The following KIF16B variants were observed in gnomAD, a reference collection of about 807,000 sequenced individuals.
The protein encoded by KIF16B is kinesin-like protein KIF16B.
A neutral mutation model predicts 156.3 loss-of-function variants in KIF16B; 98 were observed. The ratio of observed to expected loss-of-function variants is 0.63; its 90% CI spans 0.53 to 0.74. KIF16B has a LOEUF of 0.74. Ranked by LOEUF, KIF16B falls within the 30% of genes least tolerant of loss-of-function variation. KIF16B has a pLI of 0.00. For missense variants in KIF16B, 1,421 were observed against 1,606.5 expected, an observed-to-expected ratio of 0.88 and a Z score of 1.97; for synonymous variants, 564 against 583.7, an observed-to-expected ratio of 0.97 and a Z score of 0.49.
Position 16,379,308 on chromosome 20 carries a change from C to T in KIF16B, c.2694G>A (p.Val898=). ...GTTCTTTATATTGCAGCCTGTACTC[C>T]ACTGGCTTTATTTTCTCGAAATCTT... ...VPQDFEKIKP[V]EYRLQYKERQ... is the part of the protein sequence containing the mutation. The change falls in exon 19 of 26, where the codon GTG becomes GTA. Residue 898 remains valine (V), a synonymous_variant. Coordinates refer to ENST00000354981, the MANE Select transcript of KIF16B (RefSeq NM_024704.5). 1 of 1,609,550 alleles carries T rather than the reference C, an allele frequency of 6.2e-7. No individual in the cohort carries two copies. Among genetic ancestry groups the T allele is most frequent in the Non-Finnish European group, 8.5e-7 (1 of 1,178,498 alleles).
chr20:16,520,963 A>G (rs1162849003), intron 3 of KIF16B, among the ~76,000 whole-genome samples: 1 of 152,196 alleles, frequency 6.6e-6, no homozygotes, highest in African/African-American at 2.4e-5. Flanking sequence ...GAAAACAAAC[A>G]AACAGAAAGA....
In KIF16B at chr20:16,378,839, C is replaced by A. The variant is rs763578972; in HGVS notation, c.3163G>T (p.Ala1055Ser). 31 of 1,612,282 alleles carry A rather than the reference C, an allele frequency of 1.9e-5. No individual in the cohort carries two copies. The highest frequency in any genetic ancestry group is 8.4e-5 in the Admixed American group (5 of 59,828). The stretch of plus-strand genomic sequence containing the variant: ...TCCTTCTCCAGGGCTTCCTGCTCAG[C>A]CTCCAGGCTAGCCTGGAGCCCTGAC... ...EQSGLQASLEAEQEALEKDQE... is the reference protein window; with the variant it reads ...EQSGLQASLESEQEALEKDQE... Residue 1055 changes from alanine (A) to serine (S), a missense_variant, in exon 19 of 26, where the codon GCT becomes TCT. By Grantham distance (99) the Ala-to-Ser change is moderately conservative. Transcript: ENST00000354981.
At chr20:16,415,715 C>T (rs1384141561) in intron 15 of KIF16B, among the ~76,000 whole-genome samples, 1 of 152,154 alleles carries the variant, frequency 6.6e-6, no homozygotes, top group Admixed American at 6.6e-5. Context: ...TGAAGAGCAT[C>T]TAAGTCACTT....
intron 15 of KIF16B, among the ~76,000 whole-genome samples, chr20:16,413,878 G>C (rs1330147834): frequency 6.6e-6 from 1 of 152,064 alleles, no homozygotes; most frequent in East Asian, 1.9e-4. Context: ...GGTATTGAGT[G>C]AGAGGCTGAA....
chr20:16,291,529 C>T (rs1429110926), intron 25 of KIF16B, among the ~76,000 whole-genome samples: 2 of 152,164 alleles, frequency 1.3e-5, no homozygotes, highest in South Asian at 4.1e-4. Flanking sequence ...TGCAATAGGA[C>T]ACAGGAGTTA....
At chr20:16,347,226 C>T (rs928059218) in intron 23 of KIF16B, among the ~76,000 whole-genome samples, 3 of 152,118 alleles carry the variant, frequency 2.0e-5, no homozygotes, top group Admixed American at 6.5e-5. Flanking sequence ...GAAAGGTAAG[C>T]GTATCCATGG....
chr20:16,371,011 ATAAC>A (rs749949287), intron 21 of KIF16B, among the ~76,000 whole-genome samples: 4 of 152,262 alleles, frequency 2.6e-5, no homozygotes, highest in Non-Finnish European at 4.4e-5. Flanking sequence ...TACAAAATAA[ATAAC>A]TACGGAAATT....
At chr20:16,349,212 C>G (rs2064289403) in intron 23 of KIF16B, among the ~76,000 whole-genome samples, 1 of 152,206 alleles carries the variant, frequency 6.6e-6, no homozygotes. Context: ...AGAGAGGGGA[C>G]AGATGAACTA....
At chr20:16,507,099 CA>C (rs1555790010) in intron 7 of KIF16B, among the ~76,000 whole-genome samples, 2,991 of 124,624 alleles carry the variant, frequency 0.024, 39 homozygotes, top group Non-Finnish European at 0.027. Context: ...AATCATGTCT[CA>C]AAAAAAAAAA....
At chr20:16,279,327 A>C (rs1196774656) in intron 25 of KIF16B, among the ~76,000 whole-genome samples, 1 of 152,166 alleles carries the variant, frequency 6.6e-6, no homozygotes, top group Non-Finnish European at 1.5e-5. Flanking sequence ...CACCTCTTCC[A>C]GATTGTGTAG....
chr20:16,526,215 A>ATC lies in KIF16B; in HGVS notation c.118-11_118-10insGA. The ATC allele has an allele frequency of 6.9e-7, 1 of 1,443,222 alleles. No homozygotes were observed. The highest frequency in any genetic ancestry group is 9.6e-7 in the Non-Finnish European group (1 of 1,040,614). 89.4% of individuals were successfully genotyped at this position (1,443,222 alleles called of 1,614,324 possible). ...TGCCTCCTTCTGGTATCTAGAAAGA[A>ATC]ATGATTAGAATAATAATGATAATGT... On this transcript the variant is annotated splice_polypyrimidine_tract_variant and intron_variant, in intron 2 of 25. Transcript: ENST00000354981.
At chr20:16,469,299 C>T (rs77890716) in intron 12 of KIF16B, among the ~76,000 whole-genome samples, 2,984 of 136,324 alleles carry the variant, frequency 0.022, 77 homozygotes, top group South Asian at 0.076. Context: ...TTTCAGACCA[C>T]GATAGAATTA....
intron 17 of KIF16B, among the ~76,000 whole-genome samples, chr20:16,383,943 A>G (rs2065165790): frequency 6.6e-6 from 1 of 152,192 alleles, no homozygotes; most frequent in African/African-American, 2.4e-5. Flanking sequence ...TTTGTGTTTG[A>G]CAGTCGGCAT....
At chr20:16,492,791 G>T (rs111474553) in intron 12 of KIF16B, among the ~76,000 whole-genome samples, 2,838 of 152,010 alleles carry the variant, frequency 0.019, 85 homozygotes, top group African/African-American at 0.066. Context: ...GTATACTAAG[G>T]ACTTTTCAAA....
At chr20:16,531,994 G>C (rs2147176187) in intron 1 of KIF16B, among the ~76,000 whole-genome samples, 1 of 151,288 alleles carries the variant, frequency 6.6e-6, no homozygotes, top group South Asian at 2.1e-4. Context: ...GTTGAATCCA[G>C]GAGGCGGAGG....
chr20:16,442,849 G>A lies in KIF16B; in HGVS notation c.1303-12867C>T, dbSNP rs2066840030. ...AAAAAGCAAGAAGGTGATGAAGAAT[G>A]AGAGGGAGGAAGAAAAGAAGGAAAA... is the stretch of plus-strand genomic sequence containing the variant. On this transcript the variant is annotated intron_variant, in intron 12 of 25. Transcript: ENST00000354981. 3.9e-5 allele frequency among the ~76,000 whole-genome samples: 6 copies of A among 152,254 alleles called. No homozygotes were observed. In the South Asian group the frequency reaches 1.2e-3, roughly 32 times the overall value.
intron 25 of KIF16B, among the ~76,000 whole-genome samples, chr20:16,289,622 G>A (rs141928799): frequency 6.6e-6 from 1 of 152,186 alleles, no homozygotes; most frequent in African/African-American, 2.4e-5. Context: ...GGTAGGCCGA[G>A]GCGGACGGAT....
At chr20:16,562,607 T>C (rs1301918057) in intron 1 of KIF16B, among the ~76,000 whole-genome samples, 1 of 152,172 alleles carries the variant, frequency 6.6e-6, no homozygotes, top group African/African-American at 2.4e-5. Flanking sequence ...AAATACTTTC[T>C]GAGTGCTCAG....
chr20:16,416,895 T>C (rs1018974757), intron 15 of KIF16B, among the ~76,000 whole-genome samples: 16 of 151,980 alleles, frequency 1.1e-4, no homozygotes, highest in African/African-American at 3.9e-4. Context: ...AGAAGCCCCC[T>C]AGTTCAGGTT....
Sources: gnomAD v4.1 joint callset for allele counts (sites outside exome capture counted in the v4.1 genomes callset) on GRCh38, gnomAD v4.1.1 for gene constraint, MANE v1.5 for transcripts, NCBI Gene and HGNC (gene_info 2026-07-23, HGNC 2026-07-21) for gene names.